CDH1: variants seen among roughly 807,000 people sequenced by gnomAD.
CDH1 encodes cadherin-1.
CDH1 carries 35 observed loss-of-function variants against 84.5 expected under a neutral mutation model. The ratio of observed to expected loss-of-function variants is 0.41; its 90% CI spans 0.32 to 0.55. The LOEUF (loss-of-function observed/expected upper bound fraction) is 0.55, where lower values mean the gene tolerates loss of function less well. Among genes scored for constraint, CDH1 ranks in the 20% least tolerant of loss-of-function variants. The pLI is 0.19. For synonymous variants in CDH1, 417 were observed against 439.0 expected, an observed-to-expected ratio of 0.95 and a Z score of 0.63; for missense variants, 994 against 1,126.6, an observed-to-expected ratio of 0.88 and a Z score of 1.68.
intron 2 of CDH1, among the ~76,000 whole-genome samples, chr16:68,799,501 G>A (rs1960442177): frequency 6.6e-6 from 1 of 152,018 alleles, no homozygotes; most frequent in Non-Finnish European, 1.5e-5. Flanking sequence ...CAGTCTTAGA[G>A]ATCAAGACTG....
intron 2 of CDH1, among the ~76,000 whole-genome samples, chr16:68,745,246 C>A (rs995477839): frequency 6.6e-6 from 1 of 151,304 alleles, no homozygotes; most frequent in Non-Finnish European, 1.5e-5. Context: ...CTTTGGGAGG[C>A]CAAGGCCGCA....
At chr16:68,753,198 G>A (rs1489674314) in intron 2 of CDH1, among the ~76,000 whole-genome samples, 1 of 118,672 alleles carries the variant, frequency 8.4e-6, no homozygotes, top group Non-Finnish European at 1.6e-5. Context: ...GGGCGACAAA[G>A]CGAGACTCAG....
chr16:68,834,099 G>A lies in CDH1; in HGVS notation c.*600G>A. ...AGCCTCCCAAGTAGCTGGGACCACA[G>A]GCATGCACCACTACGCATGACTAAT... is the stretch of plus-strand genomic sequence containing the variant. On this transcript the variant is annotated 3_prime_UTR_variant, in exon 16 of 16. Transcript: ENST00000261769. The A allele has an allele frequency of 2.4e-6, 1 of 410,136 alleles. No homozygotes were observed. Among genetic ancestry groups the A allele is most frequent in the South Asian group, 2.1e-5 (1 of 48,716 alleles). The allele number at this position is 410,136 out of a possible 1,614,324, so 25.4% of individuals were successfully genotyped here.
chr16:68,818,199 C>T (rs1054572808), intron 10 of CDH1, among the ~76,000 whole-genome samples: 4 of 140,314 alleles, frequency 2.9e-5, no homozygotes, highest in African/African-American at 1.1e-4. Flanking sequence ...GAGATCACGC[C>T]ACTGTACTCC....
At chr16:68,762,567 A>G (rs1383226036) in intron 2 of CDH1, among the ~76,000 whole-genome samples, 1 of 152,132 alleles carries the variant, frequency 6.6e-6, no homozygotes, top group Non-Finnish European at 1.5e-5. Context: ...CCAGATTCCT[A>G]AAACTTTCAA....
At position 68,834,725 on chromosome 16, in the gene CDH1, C is replaced by T. The variant is rs563678745; in HGVS notation, c.*1226C>T. The T allele has an allele frequency of 6.8e-5, 16 of 233,956 alleles. No individual in the cohort carries two copies. Among genetic ancestry groups the T allele is most frequent in the Admixed American group, 1.7e-4 (3 of 17,968 alleles). The allele number at this position is 233,956 out of a possible 1,614,324, so 14.5% of individuals were successfully genotyped here. A position where few individuals can be genotyped will look rare whatever the true frequency, so the allele number is the denominator to read the frequency against. On this transcript the variant is annotated 3_prime_UTR_variant, in exon 16 of 16. Coordinates refer to ENST00000261769, the MANE Select transcript of CDH1 (RefSeq NM_004360.5). Reference sequence around the variant, plus strand: ...TATGTAACTTGCAATGGGCAGCTATCCAGTGACTTGTTCTGAGTAAGTGTG... The same window carrying T: ...TATGTAACTTGCAATGGGCAGCTATTCAGTGACTTGTTCTGAGTAAGTGTG...
intron 11 of CDH1, 25 bp downstream of exon 11, chr16:68,819,450 T>G: frequency 6.2e-7 from 1 of 1,612,016 alleles, no homozygotes; most frequent in Non-Finnish European, 8.5e-7. Flanking sequence ...TCTGAGCCTT[T>G]GCTGCCTCGA....
At position 68,790,201 on chromosome 16, in the gene CDH1, AG is replaced by A. The variant is rs1309179576; in HGVS notation, c.164-11467del. 3.3e-5 allele frequency among the ~76,000 whole-genome samples: 5 copies of A among 152,322 alleles called. No homozygotes were observed. In the South Asian group the frequency reaches 8.3e-4, roughly 25 times the overall value. On this transcript the variant is annotated intron_variant, in intron 2 of 15. Transcript: ENST00000261769. ...GCCTTACCAATGTCTGTGAGGGCCC[AG>A]GACTTGTTCTCCCACATCTCAGGCC...
At chr16:68,801,991 A>G in intron 3 of CDH1, 98 bp downstream of exon 3, 1 of 1,037,016 alleles carries the variant, frequency 9.6e-7, no homozygotes, top group South Asian at 1.3e-5. Flanking sequence ...GGGCTGGATG[A>G]TTTTGTGTTG....
At chr16:68,755,784 A>G (rs1272307911) in intron 2 of CDH1, among the ~76,000 whole-genome samples, 1 of 135,016 alleles carries the variant, frequency 7.4e-6, no homozygotes, top group Non-Finnish European at 1.6e-5. Flanking sequence ...TTTTTTTGAG[A>G]CAGAGTCTTG....
intron 2 of CDH1, among the ~76,000 whole-genome samples, chr16:68,740,386 C>T (rs1302410146): frequency 2.6e-5 from 4 of 152,030 alleles, no homozygotes; most frequent in Non-Finnish European, 5.9e-5. Flanking sequence ...TCTATTGGAT[C>T]AGAAGTTATC....
In CDH1 at chr16:68,801,727, G is replaced by A. The variant is rs761562625; in HGVS notation, c.221G>A (p.Arg74Gln). The change falls in exon 3 of 16, where the codon CGA becomes CAA. Residue 74 changes from arginine (R) to glutamine (Q), a missense_variant. By Grantham distance (43) the Arg-to-Gln change is conservative. This residue lies in a region of CDH1 where 203 missense variants were observed against 194.0 expected (regional missense o/e 1.05). Coordinates refer to ENST00000261769, the MANE Select transcript of CDH1 (RefSeq NM_004360.5). Reference sequence around the variant, plus strand: ...ACAGCCTATTTTTCCCTCGACACCCGATTCAAAGTGGGCACAGATGGTGTG... The same window carrying A: ...ACAGCCTATTTTTCCCTCGACACCCAATTCAAAGTGGGCACAGATGGTGTG... ...QRTAYFSLDT[R>Q]FKVGTDGVIT... 7 of 1,614,010 alleles carry A rather than the reference G, an allele frequency of 4.3e-6. No homozygotes were observed. Among genetic ancestry groups the A allele is most frequent in the Middle Eastern group, 1.6e-4 (1 of 6,084 alleles).
intron 2 of CDH1, among the ~76,000 whole-genome samples, chr16:68,779,165 A>G (rs1445501947): frequency 6.6e-6 from 1 of 152,196 alleles, no homozygotes; most frequent in Non-Finnish European, 1.5e-5. Flanking sequence ...CGCCTGCCTC[A>G]TCAGCACTTT....
Position 68,738,410 on chromosome 16 carries a change from AGGTGAGGGCGCGCTGCC to A in CDH1, c.163+4_163+20del. 6.5e-7 allele frequency: 1 copy of A among 1,540,586 alleles called. No individual in the cohort carries two copies. Among genetic ancestry groups the A allele is most frequent in the South Asian group, 1.2e-5 (1 of 83,494 alleles). Reference sequence around the variant, plus strand: ...TGGAGAGAGGCCGCGTCCTGGGCAGAGGTGAGGGCGCGCTGCCGGTGTCCCTGGGCGGAGTAGGGAGG... The same window carrying A: ...TGGAGAGAGGCCGCGTCCTGGGCAGAGGTGTCCCTGGGCGGAGTAGGGAGG... On this transcript the variant is annotated splice_donor_variant and splice_donor_5th_base_variant and coding_sequence_variant and intron_variant, in exon 2 of 16. Coordinates refer to ENST00000261769, the MANE Select transcript of CDH1 (RefSeq NM_004360.5). LOFTEE classifies it high-confidence loss of function.
chr16:68,788,558 G>A (rs1960127365), intron 2 of CDH1, among the ~76,000 whole-genome samples: 1 of 152,080 alleles, frequency 6.6e-6, no homozygotes, highest in Admixed American at 6.6e-5. Context: ...TGCTTTTAAG[G>A]TTCATCTATG....
At chr16:68,812,326 G>A (rs2152132814) in intron 8 of CDH1, 63 bp downstream of exon 8, 1 of 1,545,204 alleles carries the variant, frequency 6.5e-7, no homozygotes, top group East Asian at 2.2e-5. Flanking sequence ...TGAACTAAGT[G>A]TCACCACTGC....
At chr16:68,771,778 A>G (rs1315907963) in intron 2 of CDH1, among the ~76,000 whole-genome samples, 1 of 151,340 alleles carries the variant, frequency 6.6e-6, no homozygotes, top group Non-Finnish European at 1.5e-5. Context: ...TTTTTTTTGT[A>G]AAGAGATCTC....
intron 2 of CDH1, among the ~76,000 whole-genome samples, chr16:68,797,196 T>C (rs1337334007): frequency 1.3e-5 from 2 of 152,030 alleles, no homozygotes; most frequent in Non-Finnish European, 2.9e-5. Flanking sequence ...TGACCAGGCT[T>C]GGCATCATAG....
chr16:68,823,117 G>T, intron 12 of CDH1: 1 of 413,124 alleles, frequency 2.4e-6, no homozygotes, highest in East Asian at 4.9e-5. Flanking sequence ...CGAACCCAGC[G>T]ACATCTGAAG....
Sources: allele counts gnomAD v4.1 joint callset (sites outside exome capture counted in the v4.1 genomes callset), GRCh38; gene constraint gnomAD v4.1.1; regional missense constraint gnomAD v4.1.1; transcripts MANE v1.5; gene names NCBI Gene and HGNC (gene_info 2026-07-23, HGNC 2026-07-21).